TXNRD1: variants seen among roughly 807,000 people sequenced by gnomAD.
TXNRD1 encodes thioredoxin reductase 1.
Under a neutral mutation model 80.3 loss-of-function variants are expected in TXNRD1, and 57 were observed. The observed-to-expected ratio is 0.71, with a 90% CI of 0.57 to 0.89. The LOEUF (loss-of-function observed/expected upper bound fraction) is 0.89. Ranked by LOEUF, TXNRD1 falls within the 40% of genes least tolerant of loss-of-function variation. The pLI is 0.00. For synonymous variants in TXNRD1, 291 were observed against 285.2 expected, an observed-to-expected ratio of 1.02 and a Z score of -0.20; for missense variants, 730 against 803.0, an observed-to-expected ratio of 0.91 and a Z score of 1.10.
chr12:104,258,005 TCAACTTCTTC>T lies in TXNRD1; in HGVS notation c.244-11_244-2del. 5 of 1,540,016 alleles carry T rather than the reference TCAACTTCTTC, an allele frequency of 3.2e-6. No homozygotes were observed. Among genetic ancestry groups the T allele is most frequent in the Non-Finnish European group, 4.4e-6 (5 of 1,140,928 alleles). On this transcript the variant is annotated splice_region_variant and splice_polypyrimidine_tract_variant and intron_variant, in intron 2 of 16. Coordinates refer to ENST00000525566, the MANE Select transcript of TXNRD1 (RefSeq NM_001093771.3). The stretch of plus-strand genomic sequence containing the variant: ...CATTTTTCATTTTCCTCCTTGTTTT[TCAACTTCTTC>T]CAGGTAAAGAAGTTATTTAAATCTC...
intron 7 of TXNRD1, 122 bp from the exon 8 acceptor site, chr12:104,318,791 T>A: frequency 1.1e-6 from 1 of 932,804 alleles, no homozygotes; most frequent in Non-Finnish European, 1.6e-6. Flanking sequence ...AATGGAGGAT[T>A]TGCCCTTTCA....
intron 15 of TXNRD1, among the ~76,000 whole-genome samples, chr12:104,335,265 G>A (rs996506899): frequency 6.8e-6 from 1 of 147,248 alleles, no homozygotes; most frequent in Non-Finnish European, 1.5e-5. Context: ...GCAGTGGCGT[G>A]ATCTTGGTTC....
intron 1 of TXNRD1, among the ~76,000 whole-genome samples, chr12:104,235,503 G>A (rs186223726): frequency 2.6e-5 from 4 of 152,290 alleles, no homozygotes; most frequent in Admixed American, 2.6e-4. Flanking sequence ...AGCCTGATAT[G>A]ACATCAAGAG....
chr12:104,289,171 A>C (rs2135745448), intron 4 of TXNRD1, 131 bp downstream of exon 4: 1 of 1,093,116 alleles, frequency 9.1e-7, no homozygotes. Flanking sequence ...AATGACGAAA[A>C]ACGCTCGTGG....
At chr12:104,317,718 C>T (rs551912911) in intron 7 of TXNRD1, among the ~76,000 whole-genome samples, 1 of 152,316 alleles carries the variant, frequency 6.6e-6, no homozygotes, top group East Asian at 1.9e-4. Flanking sequence ...CTCCTATAGT[C>T]CCAGCTTCTC....
chr12:104,258,087 T>G lies in TXNRD1; in HGVS notation c.304+8T>G. 2 of 1,533,958 alleles carry G rather than the reference T, an allele frequency of 1.3e-6. No homozygotes were observed. Among genetic ancestry groups the G allele is most frequent in the South Asian group, 2.4e-5 (2 of 82,844 alleles). On this transcript the variant is annotated splice_region_variant and intron_variant, in intron 3 of 16. Transcript: ENST00000525566. The stretch of plus-strand genomic sequence containing the variant: ...TTGAACTTGATCAAACAGGTAAGTT[T>G]CTGTTTAATATGTAAATCATAGCTG...
intron 4 of TXNRD1, among the ~76,000 whole-genome samples, chr12:104,298,352 T>C (rs1179094567): frequency 1.3e-5 from 2 of 152,216 alleles, no homozygotes; most frequent in East Asian, 3.8e-4. Context: ...AATTTTGTTA[T>C]ATGGCAAATT....
At chr12:104,305,946 C>T (rs1031349882) in intron 4 of TXNRD1, among the ~76,000 whole-genome samples, 4 of 152,070 alleles carry the variant, frequency 2.6e-5, no homozygotes, top group African/African-American at 9.7e-5. Context: ...CACTCTTGCC[C>T]AGGCTGGGGT....
chr12:104,226,883 C>T (rs1335543876), intron 1 of TXNRD1, among the ~76,000 whole-genome samples: 1 of 152,120 alleles, frequency 6.6e-6, no homozygotes, highest in Admixed American at 6.6e-5. Context: ...CCGGTCTTGG[C>T]TCCTGGAATG....
chr12:104,302,399 GTGTACCTGTTGCAGGT>G (rs2034661429), intron 4 of TXNRD1, among the ~76,000 whole-genome samples: 1 of 150,956 alleles, frequency 6.6e-6, no homozygotes, highest in African/African-American at 2.4e-5. Context: ...TTTTTTTAAG[GTGTACCTGTTGCAGGT>G]TTGAAAAGCT....
Position 104,334,314 on chromosome 12 carries a change from C to G in TXNRD1, c.1728C>G (p.Ile576Met). The change falls in exon 15 of 17, where the codon ATC becomes ATG. Residue 576 changes from isoleucine (I) to methionine (M), a missense_variant. Coordinates refer to ENST00000525566, the MANE Select transcript of TXNRD1 (RefSeq NM_001093771.3). ...RDNNKCYAKI[I>M]CNTKDNERVV... ...ACAACAAATGTTATGCAAAAATAAT[C>G]TGTAATACTAAAGACAATGTAAGTT... The G allele has an allele frequency of 6.6e-7, 1 of 1,510,154 alleles. No homozygotes were observed. Among genetic ancestry groups the G allele is most frequent in the Non-Finnish European group, 8.9e-7 (1 of 1,121,626 alleles). The allele number at this position is 1,510,154 out of a possible 1,614,324, so 93.5% of individuals were successfully genotyped here.
chr12:104,296,385 T>G (rs7298613), intron 4 of TXNRD1, among the ~76,000 whole-genome samples: 138,006 of 152,220 alleles, frequency 0.91, 62,815 homozygotes, highest in African/African-American at 0.98. Context: ...TAAAAAAAAA[T>G]ATACATTTTA....
intron 3 of TXNRD1, chr12:104,287,396 T>C: frequency 1.2e-6 from 2 of 1,614,004 alleles, no homozygotes; most frequent in Admixed American, 1.7e-5. Context: ...CTCTTGGTCT[T>C]TGTAGAGACA....
intron 4 of TXNRD1, among the ~76,000 whole-genome samples, chr12:104,306,357 T>G (rs1365879145): frequency 6.6e-6 from 1 of 152,244 alleles, no homozygotes; most frequent in African/African-American, 2.4e-5. Flanking sequence ...GCCAAAAGTT[T>G]GGGTCATTAA....
intron 3 of TXNRD1, among the ~76,000 whole-genome samples, chr12:104,272,379 C>T (rs10745998): frequency 0.68 from 102,903 of 151,972 alleles, 34,985 homozygotes; most frequent in East Asian, 0.85. Flanking sequence ...AGCAGGTAAT[C>T]GGAATGAGTC....
chr12:104,287,160 G>T, intron 3 of TXNRD1: 1 of 1,561,080 alleles, frequency 6.4e-7, no homozygotes, highest in Non-Finnish European at 8.6e-7. Context: ...CCAGGGATGG[G>T]AGCACGCGGG....
At chr12:104,333,749 A>G (rs1050971597) in intron 14 of TXNRD1, among the ~76,000 whole-genome samples, 4 of 151,752 alleles carry the variant, frequency 2.6e-5, no homozygotes, top group South Asian at 2.1e-4. Context: ...TTCCTTCCCT[A>G]TCTCCTTCCT....
intron 3 of TXNRD1, chr12:104,287,274 T>G (rs2034001970): frequency 2.5e-6 from 4 of 1,613,674 alleles, no homozygotes; most frequent in African/African-American, 1.3e-5. Flanking sequence ...ACGGGGAGGC[T>G]TTTCCAAACC....
At chr12:104,287,799 C>G (rs576547781) in intron 3 of TXNRD1, among the ~76,000 whole-genome samples, 24 of 152,290 alleles carry the variant, frequency 1.6e-4, no homozygotes, top group African/African-American at 5.3e-4. Context: ...TTTTGAGTAG[C>G]TCCTTGAGCT....
Sources: allele counts gnomAD v4.1 joint callset (sites outside exome capture counted in the v4.1 genomes callset), GRCh38; gene constraint gnomAD v4.1.1; transcripts MANE v1.5; gene names NCBI Gene and HGNC (gene_info 2026-07-23, HGNC 2026-07-21).